ST6GAL1: variants seen among roughly 807,000 people sequenced by gnomAD.
ST6GAL1 encodes the protein ST6 beta-galactoside alpha-2,6-sialyltransferase 1.
ST6GAL1 carries 20 observed loss-of-function variants against 38.0 expected under a neutral mutation model. The observed-to-expected ratio is 0.53, with a 90% CI of 0.37 to 0.77. The LOEUF (loss-of-function observed/expected upper bound fraction) is 0.77. ST6GAL1 is among the 30% of genes least tolerant of loss of function. ST6GAL1 has a pLI of 0.00. For missense variants in ST6GAL1, 432 were observed against 496.4 expected, an observed-to-expected ratio of 0.87 and a Z score of 1.23; for synonymous variants, 196 against 188.2, an observed-to-expected ratio of 1.04 and a Z score of -0.34.
intron 2 of ST6GAL1, among the ~76,000 whole-genome samples, chr3:187,016,678 G>A (rs967367): frequency 0.35 from 52,862 of 152,112 alleles, 9,562 homozygotes; most frequent in South Asian, 0.43. Context: ...TGTTCTTCAG[G>A]TGTGGTAAGG....
At chr3:187,052,370 C>T (rs1161823526) in intron 5 of ST6GAL1, among the ~76,000 whole-genome samples, 1 of 152,138 alleles carries the variant, frequency 6.6e-6, no homozygotes, top group African/African-American at 2.4e-5. Context: ...CATAGATATA[C>T]ATGTGCCATG....
In ST6GAL1 at chr3:187,055,041, C is replaced by G. The variant is rs111905199; in HGVS notation, c.705+3695C>G. On this transcript the variant is annotated intron_variant, in intron 5 of 7. Coordinates refer to ENST00000169298, the MANE Select transcript of ST6GAL1 (RefSeq NM_173216.2). ...TTAGTCTTGGGAGGGTGTATGTGTCCAGGAATTTATCCATTTCTTCTAGAT... is the reference window on the plus strand; with the variant it reads ...TTAGTCTTGGGAGGGTGTATGTGTCGAGGAATTTATCCATTTCTTCTAGAT... Among the ~76,000 whole-genome samples, 4 of 152,048 alleles carry G rather than the reference C, an allele frequency of 2.6e-5. No homozygotes were observed. In the South Asian group the frequency reaches 8.3e-4, roughly 32 times the overall value.
intron 2 of ST6GAL1, among the ~76,000 whole-genome samples, chr3:187,002,025 AAG>A (rs1429925037): frequency 4.0e-5 from 6 of 150,428 alleles, no homozygotes; most frequent in African/African-American, 1.5e-4. Context: ...TACTCTACCA[AAG>A]AGAGAGCTTT....
chr3:186,983,348 A>G (rs1308963908), intron 2 of ST6GAL1, among the ~76,000 whole-genome samples: 2 of 152,242 alleles, frequency 1.3e-5, no homozygotes, highest in African/African-American at 4.8e-5. Context: ...TTGAGATTTA[A>G]GTAAAACTTA....
chr3:187,031,797 A>G (rs79281619), intron 2 of ST6GAL1, among the ~76,000 whole-genome samples: 72 of 152,260 alleles, frequency 4.7e-4, no homozygotes, highest in African/African-American at 1.6e-3. Context: ...TATTATTACT[A>G]TTTCTATTTT....
intron 2 of ST6GAL1, among the ~76,000 whole-genome samples, chr3:187,031,871 G>C (rs2378123): frequency 0.46 from 70,370 of 152,168 alleles, 17,850 homozygotes; most frequent in African/African-American, 0.67. Flanking sequence ...AAGTCAGGTA[G>C]CTGGTGAAAG....
intron 2 of ST6GAL1, among the ~76,000 whole-genome samples, chr3:187,030,244 G>C (rs1305129861): frequency 6.6e-6 from 1 of 152,184 alleles, no homozygotes; most frequent in Non-Finnish European, 1.5e-5. Flanking sequence ...AGGTAGCGCT[G>C]TCTGCACAGG....
intron 7 of ST6GAL1, 67 bp downstream of exon 7, chr3:187,074,400 G>C (rs1447603193): frequency 7.0e-7 from 1 of 1,435,486 alleles, no homozygotes; most frequent in Non-Finnish European, 9.2e-7. Context: ...TTTTTCTGGG[G>C]TCTCATTCAG....
chr3:186,971,182 G>A lies in ST6GAL1; in HGVS notation c.-183+7256G>A, dbSNP rs572439212. Among the ~76,000 whole-genome samples the A allele has an allele frequency of 2.6e-5, 4 of 152,302 alleles. No individual in the cohort carries two copies. The South Asian group carries it at 6.2e-4, about 24-fold the overall frequency. On this transcript the variant is annotated intron_variant, in intron 2 of 7. Transcript: ENST00000169298. ...TGGCTCACTGCAACCTCCACCTCCC[G>A]GGTTCAAGCGATTCTTCTGCCTCAG...
intron 2 of ST6GAL1, among the ~76,000 whole-genome samples, chr3:186,967,513 C>T (rs1270289337): frequency 1.3e-5 from 2 of 152,132 alleles, no homozygotes; most frequent in Non-Finnish European, 1.5e-5. Flanking sequence ...TTTTAAGTAC[C>T]TAACTTGCTA....
At chr3:187,011,078 G>GTTTTCTCA (rs1314722186) in intron 2 of ST6GAL1, among the ~76,000 whole-genome samples, 22 of 152,250 alleles carry the variant, frequency 1.4e-4, no homozygotes, top group East Asian at 5.8e-4. Context: ...ACAACAGTGT[G>GTTTTCTCA]ACCTCTGCTT....
chr3:186,951,792 C>T (rs1694287881), intron 1 of ST6GAL1, among the ~76,000 whole-genome samples: 1 of 152,168 alleles, frequency 6.6e-6, no homozygotes, highest in African/African-American at 2.4e-5. Flanking sequence ...ATACCGTAAA[C>T]AGGGTGGTTT....
At chr3:187,012,440 T>A (rs1489215940) in intron 2 of ST6GAL1, among the ~76,000 whole-genome samples, 1 of 152,058 alleles carries the variant, frequency 6.6e-6, no homozygotes, top group Non-Finnish European at 1.5e-5. Flanking sequence ...ATATTTCCAG[T>A]ACAGACGGGG....
At chr3:187,023,575 G>A (rs980259395) in intron 2 of ST6GAL1, among the ~76,000 whole-genome samples, 9 of 152,162 alleles carry the variant, frequency 5.9e-5, no homozygotes, top group African/African-American at 1.4e-4. Context: ...ATGAGTTCAC[G>A]TCCTTTGTAG....
chr3:187,048,370 A>C (rs775510269), intron 4 of ST6GAL1, among the ~76,000 whole-genome samples: 38 of 152,086 alleles, frequency 2.5e-4, no homozygotes, highest in Non-Finnish European at 2.9e-5. Flanking sequence ...CCTTGTCTAC[A>C]GTCAAGTCCC....
intron 2 of ST6GAL1, among the ~76,000 whole-genome samples, chr3:186,975,897 C>A (rs1448920010): frequency 1.3e-5 from 2 of 152,156 alleles, no homozygotes; most frequent in African/African-American, 2.4e-5. Context: ...AACTGGGGAC[C>A]TCGGAGAAAG....
rs28537473 is a variant in ST6GAL1 at position 186,967,277 on chromosome 3, C to T, written c.-183+3351C>T. 3.7e-3 allele frequency among the ~76,000 whole-genome samples: 565 copies of T among 152,242 alleles called. 4 individuals carry two copies. Among genetic ancestry groups the T allele is most frequent in the African/African-American group, 0.012 (489 of 41,548 alleles). ...CGCAATCTCAGCTCACTGCAACCTC[C>T]GCCTCCTGGGTTCAAGCGAGTCTCC... On this transcript the variant is annotated intron_variant, in intron 2 of 7. Coordinates refer to ENST00000169298, the MANE Select transcript of ST6GAL1 (RefSeq NM_173216.2).
chr3:186,961,305 C>G (rs1228689634), intron 1 of ST6GAL1, among the ~76,000 whole-genome samples: 1 of 152,160 alleles, frequency 6.6e-6, no homozygotes, highest in African/African-American at 2.4e-5. Context: ...ATGGCATTTG[C>G]TTGTCATGGT....
At chr3:187,057,630 C>G (rs1469397116) in intron 5 of ST6GAL1, among the ~76,000 whole-genome samples, 1 of 152,160 alleles carries the variant, frequency 6.6e-6, no homozygotes, top group Non-Finnish European at 1.5e-5. Flanking sequence ...GGCTGCAGAA[C>G]AGCAAATATT....
Sources: gnomAD v4.1 joint callset for allele counts (sites outside exome capture counted in the v4.1 genomes callset) on GRCh38, gnomAD v4.1.1 for gene constraint, MANE v1.5 for transcripts, NCBI Gene and HGNC (gene_info 2026-07-23, HGNC 2026-07-21) for gene names.